Variants in CTNNA2 observed in about 807,000 individuals in gnomAD.
CTNNA2 encodes catenin alpha-2.
In CTNNA2, 42 loss-of-function variants were observed where a neutral mutation model predicts 101.0. That is an observed-to-expected ratio of 0.42 (90% CI 0.32 to 0.54). The LOEUF is 0.54. Ranked by LOEUF, CTNNA2 falls within the 20% of genes least tolerant of loss-of-function variation. The pLI is 0.14. For synonymous variants in CTNNA2, 450 were observed against 456.4 expected (o/e 0.99, Z 0.18); for missense variants, 871 against 1,223.1 (o/e 0.71, Z 4.29).
At chr2:80,438,073 T>A (rs1249186327) in intron 9 of CTNNA2, among the ~76,000 whole-genome samples, 2 of 152,180 alleles carry the variant, frequency 1.3e-5, no homozygotes, top group African/African-American at 4.8e-5. Flanking sequence ...AAGTTGATTT[T>A]CTCATGGCTC....
chr2:80,062,769 T>G (rs898459002), intron 7 of CTNNA2, among the ~76,000 whole-genome samples: 4 of 148,774 alleles, frequency 2.7e-5, no homozygotes, highest in East Asian at 4.1e-4. Context: ...GCAGTGGCAC[T>G]ATCTCAGCTC....
Position 79,312,356 on chromosome 2 carries a change from G to A in CTNNA2, c.-405-353G>A, listed in dbSNP as rs142785413. Reference sequence around the variant, plus strand: ...TTTGCTTACTTGTGAAGTGAACTGTGTATACTTTCATTCATATGTAAAATC... The same window carrying A: ...TTTGCTTACTTGTGAAGTGAACTGTATATACTTTCATTCATATGTAAAATC... On this transcript the variant is annotated intron_variant, in intron 2 of 21. Transcript: ENST00000466387. 4.7e-3 allele frequency among the ~76,000 whole-genome samples: 716 copies of A among 152,242 alleles called. 4 individuals carry two copies. The highest frequency in any genetic ancestry group is 5.2e-3 in the Non-Finnish European group (351 of 68,026).
chr2:79,944,820 C>T (rs1688389143), intron 7 of CTNNA2, among the ~76,000 whole-genome samples: 1 of 152,132 alleles, frequency 6.6e-6, no homozygotes, highest in East Asian at 1.9e-4. Context: ...GTCCTCCATA[C>T]ACAATGACAG....
chr2:79,989,935 G>C (rs934438075), intron 7 of CTNNA2, among the ~76,000 whole-genome samples: 1 of 152,110 alleles, frequency 6.6e-6, no homozygotes, highest in South Asian at 2.1e-4. Flanking sequence ...TGAAGGCAAG[G>C]AAATTCGGAG....
intron 7 of CTNNA2, among the ~76,000 whole-genome samples, chr2:80,301,220 T>C (rs978925593): frequency 6.6e-6 from 1 of 152,210 alleles, no homozygotes; most frequent in African/African-American, 2.4e-5. Context: ...TGTCACTGTT[T>C]GGGAGCCTAA....
intron 7 of CTNNA2, among the ~76,000 whole-genome samples, chr2:80,040,805 C>T (rs907332266): frequency 2.0e-5 from 3 of 152,002 alleles, no homozygotes; most frequent in African/African-American, 7.2e-5. Flanking sequence ...TAAAATTTAA[C>T]GTGTATACTT....
intron 7 of CTNNA2, among the ~76,000 whole-genome samples, chr2:80,103,913 T>C (rs1414651684): frequency 6.6e-6 from 1 of 152,160 alleles, no homozygotes; most frequent in East Asian, 1.9e-4. Flanking sequence ...TTTGTATTTT[T>C]AGTAGAGATT....
chr2:79,593,391 A>G (rs1245249429), intron 1 of CTNNA2, among the ~76,000 whole-genome samples: 1 of 152,248 alleles, frequency 6.6e-6, no homozygotes, highest in Non-Finnish European at 1.5e-5. Context: ...ACAATGGAAC[A>G]GTCCTCAGTT....
At chr2:79,384,741 C>T (rs1017516444) in intron 4 of CTNNA2, among the ~76,000 whole-genome samples, 1 of 152,114 alleles carries the variant, frequency 6.6e-6, no homozygotes, top group Admixed American at 6.5e-5. Flanking sequence ...GAAACTCTTT[C>T]TTCCTTACTC....
intron 3 of CTNNA2, among the ~76,000 whole-genome samples, chr2:79,773,737 G>A (rs1488856081): frequency 6.6e-6 from 1 of 151,996 alleles, no homozygotes; most frequent in Non-Finnish European, 1.5e-5. Flanking sequence ...TGCAAAGGTG[G>A]AAACAAACAT....
intron 7 of CTNNA2, among the ~76,000 whole-genome samples, chr2:80,092,535 C>G (rs1325868899): frequency 1.3e-5 from 2 of 152,048 alleles, no homozygotes; most frequent in African/African-American, 4.8e-5. Context: ...GGTGTGTTGA[C>G]AATTCCTGTT....
At chr2:79,586,802 G>A (rs11899508) in intron 1 of CTNNA2, among the ~76,000 whole-genome samples, 3,317 of 152,048 alleles carry the variant, frequency 0.022, 125 homozygotes, top group African/African-American at 0.076. Context: ...CCAATATGTC[G>A]TCTTTTATCC....
intron 2 of CTNNA2, among the ~76,000 whole-genome samples, chr2:79,261,520 A>G (rs980813559): frequency 2.0e-5 from 3 of 152,226 alleles, no homozygotes; most frequent in Non-Finnish European, 2.9e-5. Context: ...CTAGAAGTCC[A>G]AGATCAAGGT....
chr2:79,675,417 C>T (rs529824933), intron 2 of CTNNA2, among the ~76,000 whole-genome samples: 53 of 152,216 alleles, frequency 3.5e-4, no homozygotes, highest in African/African-American at 1.3e-3. Context: ...AAATAAGGCA[C>T]TTAGTCTTCT....
chr2:79,718,864 A>T (rs1686287691), intron 2 of CTNNA2, among the ~76,000 whole-genome samples: 1 of 148,214 alleles, frequency 6.7e-6, no homozygotes, highest in East Asian at 2.0e-4. Context: ...TTGTTGTTTG[A>T]CCTGTTTTAA....
chr2:80,247,750 G>A (rs748795207), intron 7 of CTNNA2, among the ~76,000 whole-genome samples: 64 of 151,684 alleles, frequency 4.2e-4, no homozygotes, highest in Admixed American at 7.2e-4. Flanking sequence ...TTTTTGGCAC[G>A]TACAAAACAC....
intron 9 of CTNNA2, among the ~76,000 whole-genome samples, chr2:80,533,167 A>C (rs1402605297): frequency 6.6e-6 from 1 of 152,212 alleles, no homozygotes; most frequent in Non-Finnish European, 1.5e-5. Flanking sequence ...TGGATAAGGC[A>C]ATAGTATGTG....
chr2:79,377,309 T>C (rs1424179696), intron 4 of CTNNA2, among the ~76,000 whole-genome samples: 2 of 152,132 alleles, frequency 1.3e-5, no homozygotes, highest in Non-Finnish European at 2.9e-5. Flanking sequence ...TAAAGTTGTG[T>C]CTCCTAACCT....
chr2:79,735,131 A>G (rs1385792037), intron 2 of CTNNA2, among the ~76,000 whole-genome samples: 2 of 151,702 alleles, frequency 1.3e-5, no homozygotes. Context: ...TGTTTCTCTC[A>G]TGTAAGCTTT....
Sources: gnomAD v4.1 joint callset for allele counts (sites outside exome capture counted in the v4.1 genomes callset) on GRCh38, gnomAD v4.1.1 for gene constraint, MANE v1.5 for transcripts, NCBI Gene and HGNC (gene_info 2026-07-23, HGNC 2026-07-21) for gene names.